Variants in MCTP1 observed in about 807,000 individuals in gnomAD.
The protein encoded by MCTP1 is multiple C2 and transmembrane domain containing 1, also known as multiple C2 and transmembrane domain-containing protein 1.
A neutral mutation model predicts 120.6 loss-of-function variants in MCTP1; 69 were observed. The observed-to-expected ratio is 0.57, with a 90% CI of 0.47 to 0.70. The LOEUF is 0.70. Among genes scored for constraint, MCTP1 ranks in the 30% least tolerant of loss-of-function variants. The pLI, the probability that MCTP1 is intolerant of heterozygous loss-of-function variation, is 0.00. For missense variants in MCTP1, 1,203 were observed against 1,248.8 expected, an observed-to-expected ratio of 0.96 and a Z score of 0.55; for synonymous variants, 529 against 493.1, an observed-to-expected ratio of 1.07 and a Z score of -0.96.
rs550231468 is a variant in MCTP1, at chr5:95,034,517, C to T, written c.721-17033G>A. On this transcript the variant is annotated intron_variant, in intron 1 of 22. Coordinates refer to ENST00000515393, the MANE Select transcript of MCTP1 (RefSeq NM_024717.7). ...AAATAGTGCTGGGAAAACTGGCTAGCCACATACAGAAGAATGAAACTGGAC... is the reference window on the plus strand; with the variant it reads ...AAATAGTGCTGGGAAAACTGGCTAGTCACATACAGAAGAATGAAACTGGAC... 5.3e-5 allele frequency among the ~76,000 whole-genome samples: 8 copies of T among 152,048 alleles called. No individual in the cohort carries two copies. In the East Asian group the frequency reaches 9.7e-4, roughly 18 times the overall value.
At chr5:94,991,335 C>A (rs141500320) in intron 2 of MCTP1, among the ~76,000 whole-genome samples, 1 of 152,142 alleles carries the variant, frequency 6.6e-6, no homozygotes, top group African/African-American at 2.4e-5. Flanking sequence ...TTGACTTCTG[C>A]TAAGACATTG....
intron 1 of MCTP1, among the ~76,000 whole-genome samples, chr5:95,115,358 G>T (rs1336614982): frequency 2.0e-5 from 3 of 152,076 alleles, no homozygotes; most frequent in Non-Finnish European, 2.9e-5. Flanking sequence ...TAGCTGTCTT[G>T]AGGAAACTCA....
intron 17 of MCTP1, among the ~76,000 whole-genome samples, chr5:94,807,068 T>A (rs1239225373): frequency 6.6e-6 from 1 of 152,218 alleles, no homozygotes; most frequent in African/African-American, 2.4e-5. Flanking sequence ...CTTAATGTTT[T>A]CCTGTATAGT....
At position 95,085,404 on chromosome 5, in the gene MCTP1, A is replaced by T. The variant is rs894961662; in HGVS notation, c.721-67920T>A. ...ATATAATAGTGTATAGATCCTTTAA[A>T]TTTTTTTTTTTTTGCTTAGCATTAT... On this transcript the variant is annotated intron_variant, in intron 1 of 22. Coordinates refer to ENST00000515393, the MANE Select transcript of MCTP1 (RefSeq NM_024717.7). 4.1e-5 allele frequency among the ~76,000 whole-genome samples: 6 copies of T among 144,770 alleles called. 1 individual carries two copies. The highest frequency in any genetic ancestry group is 2.0e-4 in the East Asian group (1 of 5,032). The allele number at this position is 144,770 out of a possible 152,430, so 95.0% of individuals were successfully genotyped here. A position where few individuals can be genotyped will look rare whatever the true frequency, so the allele number is the denominator to read the frequency against.
At chr5:94,894,242 G>A (rs1335866585) in intron 11 of MCTP1, among the ~76,000 whole-genome samples, 1 of 152,170 alleles carries the variant, frequency 6.6e-6, no homozygotes, top group East Asian at 1.9e-4. Flanking sequence ...TTAGTTACCA[G>A]CGTACTAATT....
intron 1 of MCTP1, among the ~76,000 whole-genome samples, chr5:95,234,956 GGAA>G (rs1408976012): frequency 6.6e-6 from 1 of 152,030 alleles, no homozygotes; most frequent in Non-Finnish European, 1.5e-5. Context: ...AAAAATTTGA[GGAA>G]GAAGAAATAC....
intron 1 of MCTP1, among the ~76,000 whole-genome samples, chr5:95,102,193 G>A (rs1213544418): frequency 6.6e-6 from 1 of 152,160 alleles, no homozygotes; most frequent in Non-Finnish European, 1.5e-5. Context: ...GCCTCAAGAG[G>A]TTGTTAATGC....
intron 19 of MCTP1, among the ~76,000 whole-genome samples, chr5:94,776,792 T>C (rs1458146353): frequency 1.3e-5 from 2 of 152,178 alleles, no homozygotes; most frequent in Non-Finnish European, 2.9e-5. Flanking sequence ...ACGAATTTTT[T>C]AAAGTAGGAA....
At chr5:95,009,071 AGAGAGAGAGAGAGAGAGAGAGAGAG>A in intron 2 of MCTP1, among the ~76,000 whole-genome samples, 1 of 32,556 alleles carries the variant, frequency 3.1e-5, no homozygotes, top group South Asian at 9.5e-4. Flanking sequence ...AGAGAGAGAG[AGAGAGAGAGAGAGAGAGAGAGAGAG>A]AGAGAGAGAG....
intron 17 of MCTP1, among the ~76,000 whole-genome samples, chr5:94,847,375 A>C (rs1190818453): frequency 6.6e-6 from 1 of 152,188 alleles, no homozygotes; most frequent in African/African-American, 2.4e-5. Flanking sequence ...CTTCCTATGC[A>C]GTACCTGCTC....
intron 1 of MCTP1, among the ~76,000 whole-genome samples, chr5:95,261,541 G>T (rs966424660): frequency 6.6e-6 from 1 of 152,030 alleles, no homozygotes; most frequent in Admixed American, 6.6e-5. Context: ...ATCTTCTCTG[G>T]GACATCTGTG....
At chr5:94,714,973 T>A (rs1253649568) in intron 19 of MCTP1, 87 bp from the exon 20 acceptor site, 5 of 749,160 alleles carry the variant, frequency 6.7e-6, no homozygotes, top group Non-Finnish European at 1.1e-5. Context: ...GTTACATTTT[T>A]AAACTTAAAT....
chr5:95,270,412 C>T lies in MCTP1; in HGVS notation c.720+13444G>A, dbSNP rs550309245. ...AATAAATCAGTTAATATATATACAA[C>T]ACTTAGAATAGTGCCTTATACATAA... is the stretch of plus-strand genomic sequence containing the variant. On this transcript the variant is annotated intron_variant, in intron 1 of 22. Transcript: ENST00000515393. Among the ~76,000 whole-genome samples, 10 of 152,290 alleles carry T rather than the reference C, an allele frequency of 6.6e-5. No individual in the cohort carries two copies. The South Asian group carries it at 1.7e-3, about 25-fold the overall frequency.
At chr5:95,267,687 A>C (rs1192297363) in intron 1 of MCTP1, among the ~76,000 whole-genome samples, 1 of 152,342 alleles carries the variant, frequency 6.6e-6, no homozygotes, top group African/African-American at 2.4e-5. Context: ...GACCAAGGAC[A>C]TGAAGTCTCC....
At chr5:95,028,481 T>G (rs559509405) in intron 1 of MCTP1, among the ~76,000 whole-genome samples, 27 of 152,300 alleles carry the variant, frequency 1.8e-4, no homozygotes, top group Middle Eastern at 3.4e-3. Flanking sequence ...TAAAAAAGTA[T>G]GAAATTCAGT....
At chr5:95,183,193 A>T (rs1748811796) in intron 1 of MCTP1, among the ~76,000 whole-genome samples, 1 of 152,124 alleles carries the variant, frequency 6.6e-6, no homozygotes. Context: ...TTCAAAGAGA[A>T]ATGGATAGTG....
intron 19 of MCTP1, among the ~76,000 whole-genome samples, chr5:94,727,516 G>A (rs1029593987): frequency 1.3e-5 from 2 of 152,232 alleles, no homozygotes; most frequent in Non-Finnish European, 2.9e-5. Flanking sequence ...GGAAATAATC[G>A]CCATTTAAAT....
In MCTP1 at chr5:95,169,986, C is replaced by A. The variant is rs188085824; in HGVS notation, c.720+113870G>T. On this transcript the variant is annotated intron_variant, in intron 1 of 22. Transcript: ENST00000515393. ...TGTGTTTGCTCTTGCTTCTCTAGTT[C>A]TTTTAATTGTGATGTTAGGGTGTCT... Among the ~76,000 whole-genome samples, 170 of 152,276 alleles carry A rather than the reference C, an allele frequency of 1.1e-3. 1 individual carries two copies. Among genetic ancestry groups the A allele is most frequent in the African/African-American group, 4.0e-3 (167 of 41,552 alleles).
chr5:95,043,669 T>G (rs957938262), intron 1 of MCTP1, among the ~76,000 whole-genome samples: 1 of 152,190 alleles, frequency 6.6e-6, no homozygotes. Flanking sequence ...ACAGATGCCT[T>G]AATTACTAGT....
Sources: gnomAD v4.1 joint callset for allele counts (sites outside exome capture counted in the v4.1 genomes callset) on GRCh38, gnomAD v4.1.1 for gene constraint, MANE v1.5 for transcripts, NCBI Gene and HGNC (gene_info 2026-07-23, HGNC 2026-07-21) for gene names.